The following DEAF1 variants were observed in gnomAD, a reference collection of about 807,000 sequenced individuals.
The protein encoded by DEAF1 is DEAF1 transcription factor.
In DEAF1, 53 loss-of-function variants were observed where a neutral mutation model predicts 58.9. That is an observed-to-expected ratio of 0.90 (90% CI 0.72 to 1.13). DEAF1 has a LOEUF of 1.13. Among genes scored for constraint, DEAF1 ranks in the 50% most tolerant of loss-of-function variants. DEAF1 has a pLI of 0.00. For missense variants in DEAF1, 685 were observed against 791.4 expected (o/e 0.87, Z 1.61); for synonymous variants, 385 against 340.4 (o/e 1.13, Z -1.44).
Position 691,610 on chromosome 11 carries a change from G to A in DEAF1, c.290-12C>T, listed in dbSNP as rs769208184. Reference sequence around the variant, plus strand: ...CACTGTGGTCACCTCTGCAACAGAAGGAGCCTCATTTAACAAGCAACAAAA... The same window carrying A: ...CACTGTGGTCACCTCTGCAACAGAAAGAGCCTCATTTAACAAGCAACAAAA... On this transcript the variant is annotated splice_polypyrimidine_tract_variant and intron_variant, in intron 1 of 11. Coordinates refer to ENST00000382409, the MANE Select transcript of DEAF1 (RefSeq NM_021008.4). 53 of 1,612,306 alleles carry A rather than the reference G, an allele frequency of 3.3e-5. No homozygotes were observed. In the South Asian group the frequency reaches 5.2e-4, roughly 16 times the overall value.
rs2133409080 is a variant in DEAF1, at chr11:688,666, T to C, written c.388-206A>G. Among the ~76,000 whole-genome samples the C allele has an allele frequency of 6.6e-6, 1 of 152,274 alleles. No homozygotes were observed. The stretch of plus-strand genomic sequence containing the variant: ...AACAAGAACAGACAATGCCGAAGTC[T>C]GTGTGGTGCTGAGGAAAATGCTTGC... On this transcript the variant is annotated intron_variant, in intron 2 of 11. Coordinates refer to ENST00000382409, the MANE Select transcript of DEAF1 (RefSeq NM_021008.4). The surrounding 1 kb of genome is among the most constrained non-coding windows in gnomAD (Gnocchi z 4.3).
chr11:662,918 T>G (rs1342972346), intron 10 of DEAF1, among the ~76,000 whole-genome samples: 1 of 152,206 alleles, frequency 6.6e-6, no homozygotes, highest in Admixed American at 6.5e-5. Context: ...TCCAGCCAAC[T>G]GACCCTGCCG....
At chr11:649,260 C>A (rs1313079382) in intron 11 of DEAF1, among the ~76,000 whole-genome samples, 2 of 149,960 alleles carry the variant, frequency 1.3e-5, no homozygotes, top group African/African-American at 2.5e-5. Context: ...CACACACACA[C>A]AACAACAACA....
At position 681,085 on chromosome 11, in the gene DEAF1, C is replaced by A; in HGVS notation, c.875G>T (p.Gly292Val). Residue 292 changes from glycine (G) to valine (V), a missense_variant, in exon 7 of 12, where the codon GGC (glycine) becomes GTC (valine). Physicochemically the swap from Gly to Val is moderately radical, Grantham distance 109. Around this residue, in one of 3 missense-constraint regions of DEAF1, gnomAD observed 343 missense variants for 379.8 expected, o/e 0.90. Coordinates refer to ENST00000382409, the MANE Select transcript of DEAF1 (RefSeq NM_021008.4). ...GTAAGGCACAAAAAGCCTGACTGGG[C>A]CACTCTGGGGGAGAAAGGAGAGAGG... is the stretch of plus-strand genomic sequence containing the variant. ...AACCDDMTLS[G>V]PVRLFVPYKR... The A allele has an allele frequency of 6.2e-7, 1 of 1,613,970 alleles. No homozygotes were observed. Among genetic ancestry groups the A allele is most frequent in the Non-Finnish European group, 8.5e-7 (1 of 1,180,012 alleles).
intron 1 of DEAF1, among the ~76,000 whole-genome samples, chr11:705,928 G>A (rs916099741): frequency 2.0e-4 from 31 of 152,202 alleles, no homozygotes; most frequent in African/African-American, 6.5e-4. Context: ...CCTGCGCCCC[G>A]CCTGTCCCCA....
chr11:663,265 C>T (rs1393824114), intron 10 of DEAF1, among the ~76,000 whole-genome samples: 2 of 152,176 alleles, frequency 1.3e-5, no homozygotes, highest in East Asian at 1.9e-4. Flanking sequence ...TGGCTAATAA[C>T]GGCGAAACTC....
At chr11:686,772 G>A (rs906834941) in intron 5 of DEAF1, 86 bp downstream of exon 5, 115 of 1,585,800 alleles carry the variant, frequency 7.3e-5, no homozygotes, top group African/African-American at 3.9e-4. Flanking sequence ...TGACCCCGTG[G>A]TCTGTGCCCT....
intron 11 of DEAF1, among the ~76,000 whole-genome samples, chr11:647,732 G>A (rs1037971898): frequency 1.6e-4 from 24 of 152,224 alleles, no homozygotes; most frequent in African/African-American, 5.5e-4. Flanking sequence ...TCATGTGCAC[G>A]TCTCACATTT....
chr11:681,453 C>G (rs1373356913), intron 6 of DEAF1, among the ~76,000 whole-genome samples: 2 of 149,980 alleles, frequency 1.3e-5, no homozygotes, highest in Non-Finnish European at 3.0e-5. Context: ...CTCTGTTGCC[C>G]AGGCTGGAGT....
At chr11:656,740 T>C (rs1320261555) in intron 10 of DEAF1, among the ~76,000 whole-genome samples, 2 of 152,234 alleles carry the variant, frequency 1.3e-5, no homozygotes, top group Non-Finnish European at 2.9e-5. Context: ...CCCCCCAGCA[T>C]AGTTCCTGGA....
At chr11:655,658 C>T (rs1012459779) in intron 10 of DEAF1, among the ~76,000 whole-genome samples, 4 of 152,222 alleles carry the variant, frequency 2.6e-5, no homozygotes, top group African/African-American at 7.2e-5. Context: ...AGACCTGCTC[C>T]GAGGTTCTGT....
At chr11:695,849 G>A (rs1196473167), upstream of DEAF1, 19 of 1,229,478 alleles carry the variant, frequency 1.5e-5, no homozygotes, top group Non-Finnish European at 1.9e-5. Context: ...GCGGCGAGGT[G>A]AGCTCGGGCG....
In DEAF1 at chr11:704,038, G is replaced by A. The variant is rs939616731; in HGVS notation, c.-438+2534C>T. The stretch of plus-strand genomic sequence containing the variant: ...TTCCCTTCACTTGATTCTATTGTGT[G>A]TTTTCTATGTTTGGAATAATTACAC... On this transcript the variant is annotated intron_variant, in intron 1 of 11. Coordinates refer to the DEAF1 transcript ENST00000683307. 4.2e-6 allele frequency: 5 copies of A among 1,180,700 alleles called. No individual in the cohort carries two copies. The African/African-American group carries it at 7.9e-5, about 19-fold the overall frequency. The allele number at this position is 1,180,700 out of a possible 1,614,324, so 73.1% of individuals were successfully genotyped here.
upstream of DEAF1, chr11:695,597 C>A (rs1013885614): frequency 6.8e-5 from 85 of 1,242,776 alleles, no homozygotes; most frequent in Non-Finnish European, 8.6e-5. Flanking sequence ...AGCCGAATGT[C>A]CCCGAGGCCG....
At position 679,821 on chromosome 11, in the gene DEAF1, A is replaced by T; in HGVS notation, c.998-5T>A. On this transcript the variant is annotated splice_polypyrimidine_tract_variant and splice_region_variant and intron_variant, in intron 7 of 11. Coordinates refer to ENST00000382409, the MANE Select transcript of DEAF1 (RefSeq NM_021008.4). ...GTCCCGAGGGGGTCACGGTGACTGG[A>T]AAGGCAGAAGCACATTTCACGCGGC... The T allele has an allele frequency of 6.2e-7, 1 of 1,613,190 alleles. No individual in the cohort carries two copies. The highest frequency in any genetic ancestry group is 8.5e-7 in the Non-Finnish European group (1 of 1,180,018).
At position 704,963 on chromosome 11, in the gene DEAF1, A is replaced by AAGCTCATGCATGG. The variant is rs776774776; in HGVS notation, c.-438+1596_-438+1608dup. On this transcript the variant is annotated intron_variant, in intron 1 of 11. Transcript: ENST00000683307. ...GTGACCCTGAGCTCTGGGTCAGGGC[A>AAGCTCATGCATGG]AGCTCATGCATGGAGCAGGATCACG... 231 of 329,136 alleles carry AAGCTCATGCATGG rather than the reference A, an allele frequency of 7.0e-4. No individual in the cohort carries two copies. In the Middle Eastern group the frequency reaches 1.0e-2, roughly 14 times the overall value. 20.4% of individuals were successfully genotyped at this position (329,136 alleles called of 1,614,324 possible). A position where few individuals can be genotyped will look rare whatever the true frequency, so the allele number is the denominator to read the frequency against.
intron 10 of DEAF1, chr11:674,181 AGAT>A: frequency 2.9e-6 from 1 of 344,816 alleles, no homozygotes; most frequent in Non-Finnish European, 5.7e-6. Context: ...GAGACTCAAT[AGAT>A]GATGTTCTCC....
chr11:680,173 A>AT, intron 7 of DEAF1: 1 of 338,124 alleles, frequency 3.0e-6, no homozygotes, highest in South Asian at 2.5e-5. Context: ...AGCTGAAGGT[A>AT]AAAAGCAGCC....
At chr11:693,973 G>T (rs1035683882) in intron 1 of DEAF1, among the ~76,000 whole-genome samples, 1 of 152,154 alleles carries the variant, frequency 6.6e-6, no homozygotes, top group Non-Finnish European at 1.5e-5. Context: ...AGCCCCCCTG[G>T]GCCACCACAC....
Sources: allele counts gnomAD v4.1 joint callset (sites outside exome capture counted in the v4.1 genomes callset), GRCh38; gene constraint gnomAD v4.1.1; regional missense constraint gnomAD v4.1.1; non-coding constraint Gnocchi (gnomAD v3.1); transcripts MANE v1.5; gene names NCBI Gene and HGNC (gene_info 2026-07-23, HGNC 2026-07-21).